The following DGKB variants were observed in gnomAD, a reference collection of about 807,000 sequenced individuals.
DGKB encodes the protein 90 kDa diacylglycerol kinase.
A neutral mutation model predicts 114.3 loss-of-function variants in DGKB; 67 were observed. That is an observed-to-expected ratio of 0.59 (90% confidence interval 0.48 to 0.72). DGKB has a LOEUF of 0.72. DGKB is among the 30% of genes least tolerant of loss of function. The pLI, the probability that DGKB is intolerant of heterozygous loss-of-function variation, is 0.00. For synonymous variants in DGKB, 398 were observed against 323.1 expected (o/e 1.23, Z -2.49); for missense variants, 907 against 975.2 (o/e 0.93, Z 0.93).
intron 20 of DGKB, among the ~76,000 whole-genome samples, chr7:14,548,163 T>G (rs1016616181): frequency 6.6e-6 from 1 of 152,178 alleles, no homozygotes; most frequent in South Asian, 2.1e-4. Context: ...TTGAATACTG[T>G]AGAATATTTA....
intron 2 of DGKB, among the ~76,000 whole-genome samples, chr7:14,840,744 A>ACACACACACACACACC (rs1554298987): frequency 6.9e-5 from 8 of 116,238 alleles, no homozygotes; most frequent in Non-Finnish European, 1.3e-4. Flanking sequence ...ACACACACAC[A>ACACACACACACACACC]CCTCTCCCTT....
intron 20 of DGKB, among the ~76,000 whole-genome samples, chr7:14,553,055 A>C (rs1386038659): frequency 6.6e-6 from 1 of 152,278 alleles, no homozygotes; most frequent in Admixed American, 6.5e-5. Context: ...AATGTTAAGA[A>C]GCAAATGGGA....
chr7:14,865,620 G>C (rs1587006705), intron 1 of DGKB, among the ~76,000 whole-genome samples: 2 of 152,264 alleles, frequency 1.3e-5, no homozygotes, highest in African/African-American at 4.8e-5. Flanking sequence ...AATGGTTCCT[G>C]TATCTTGGCT....
chr7:14,198,768 C>T (rs1785391625), intron 23 of DGKB, among the ~76,000 whole-genome samples: 1 of 151,736 alleles, frequency 6.6e-6, no homozygotes, highest in Non-Finnish European at 1.5e-5. Flanking sequence ...AAAATAGGGT[C>T]CCAGAGGTCT....
chr7:14,901,605 A>AAC (rs1562855781), intron 1 of DGKB, among the ~76,000 whole-genome samples: 6 of 123,088 alleles, frequency 4.9e-5, no homozygotes, highest in Admixed American at 8.7e-5. Flanking sequence ...AGGGATTTCC[A>AAC]CCCCCCCCCA....
At chr7:14,206,034 C>T (rs1786751122) in intron 23 of DGKB, among the ~76,000 whole-genome samples, 1 of 151,930 alleles carries the variant, frequency 6.6e-6, no homozygotes, top group South Asian at 2.1e-4. Context: ...TAATAATGCA[C>T]ATATTCAAAA....
rs116425441 is a variant in DGKB, at chr7:14,764,401, A to G, written c.71-6670T>C. The stretch of plus-strand genomic sequence containing the variant: ...ATTTCATAAAGTTTCCCTTAGCTAC[A>G]TAGTACTTAAAAGTAGTGAAATAGT... On this transcript the variant is annotated intron_variant, in intron 2 of 25. Transcript: ENST00000402815. Among the ~76,000 whole-genome samples, 274 of 152,088 alleles carry G rather than the reference A, an allele frequency of 1.8e-3. 1 individual carries two copies. In the Middle Eastern group the frequency reaches 0.027, roughly 15 times the overall value.
chr7:14,326,267 T>C (rs182564076), intron 23 of DGKB, among the ~76,000 whole-genome samples: 1 of 152,114 alleles, frequency 6.6e-6, no homozygotes, highest in Non-Finnish European at 1.5e-5. Context: ...ATAAACCAAT[T>C]GGTATGATAC....
chr7:14,682,926 T>A (rs1054475737), intron 10 of DGKB, 85 bp from the exon 11 acceptor site: 2 of 878,300 alleles, frequency 2.3e-6, no homozygotes, highest in Admixed American at 4.1e-5. Context: ...TAACAGAACC[T>A]CATTTCATAT....
intron 1 of DGKB, among the ~76,000 whole-genome samples, chr7:14,891,796 G>C (rs968587259): frequency 6.6e-6 from 1 of 151,328 alleles, no homozygotes; most frequent in African/African-American, 2.4e-5. Flanking sequence ...TACCTGGGTG[G>C]CAGGGCTCTG....
chr7:14,930,046 A>G (rs1030655684), intron 1 of DGKB, among the ~76,000 whole-genome samples: 1 of 151,946 alleles, frequency 6.6e-6, no homozygotes, highest in Non-Finnish European at 1.5e-5. Flanking sequence ...ATGTGGCTTT[A>G]TTTCTGGGTT....
intron 1 of DGKB, among the ~76,000 whole-genome samples, chr7:14,888,221 G>A (rs988054553): frequency 1.3e-5 from 2 of 151,664 alleles, no homozygotes; most frequent in African/African-American, 4.8e-5. Flanking sequence ...GATAGCAGAT[G>A]GTAATGGCTA....
At chr7:14,543,781 G>A (rs1374823134) in intron 20 of DGKB, among the ~76,000 whole-genome samples, 3 of 152,196 alleles carry the variant, frequency 2.0e-5, no homozygotes. Flanking sequence ...TGCTAGCTCA[G>A]AAGGTACTGA....
rs967880998 is a variant in DGKB at position 14,827,434 on chromosome 7, G to C, written c.70+13760C>G. On this transcript the variant is annotated intron_variant, in intron 2 of 25. Coordinates refer to ENST00000402815, the MANE Select transcript of DGKB (RefSeq NM_001350709.2). ...AGAAAGACAGGGAGAGAGAGAGAGAGAGACAGACACAGACAGACAGACAGA... is the reference window on the plus strand; with the variant it reads ...AGAAAGACAGGGAGAGAGAGAGAGACAGACAGACACAGACAGACAGACAGA... 1.2e-4 allele frequency among the ~76,000 whole-genome samples: 19 copies of C among 152,070 alleles called. No individual in the cohort carries two copies. In the South Asian group the frequency reaches 1.7e-3, roughly 13 times the overall value.
chr7:14,593,798 T>C (rs942430548), intron 17 of DGKB, among the ~76,000 whole-genome samples: 1 of 147,552 alleles, frequency 6.8e-6, no homozygotes, highest in African/African-American at 2.5e-5. Context: ...TGTAATCAAA[T>C]TGAACTTTAA....
chr7:14,694,021 T>C (rs906695871), intron 9 of DGKB, 54 bp downstream of exon 9: 4 of 1,541,416 alleles, frequency 2.6e-6, no homozygotes, highest in African/African-American at 2.7e-5. Context: ...AAATGTGTAA[T>C]AGAGAGCCCC....
rs1039111681 is a variant in DGKB, at chr7:14,669,056, T to C, written c.1134+3873A>G. Among the ~76,000 whole-genome samples the C allele has an allele frequency of 3.3e-5, 5 of 152,174 alleles. No individual in the cohort carries two copies. In the East Asian group the frequency reaches 9.6e-4, roughly 29 times the overall value. ...AAAATCACAGTTTCTTTGAACAATTTTGTTCCCACTTTCCTAGGTGACACA... is the reference window on the plus strand; with the variant it reads ...AAAATCACAGTTTCTTTGAACAATTCTGTTCCCACTTTCCTAGGTGACACA... On this transcript the variant is annotated intron_variant, in intron 13 of 25. Transcript: ENST00000402815.
intron 5 of DGKB, among the ~76,000 whole-genome samples, chr7:14,733,816 A>T (rs201619490): frequency 2.1e-5 from 2 of 97,194 alleles, no homozygotes; most frequent in African/African-American, 5.4e-5. Context: ...GAAGGAGGGA[A>T]GGAAGGAAGG....
chr7:14,541,108 C>CTTTT (rs200110793), intron 20 of DGKB, among the ~76,000 whole-genome samples: 1 of 146,044 alleles, frequency 6.8e-6, no homozygotes. Context: ...TGTTGGTCTC[C>CTTTT]TTTTTTTTTT....
Sources: gnomAD v4.1 joint callset for allele counts (sites outside exome capture counted in the v4.1 genomes callset) on GRCh38, gnomAD v4.1.1 for gene constraint, MANE v1.5 for transcripts, NCBI Gene and HGNC (gene_info 2026-07-23, HGNC 2026-07-21) for gene names.